The following ITGB8 variants were observed in gnomAD, a reference collection of about 807,000 sequenced individuals.
The protein encoded by ITGB8 is integrin beta-8.
A neutral mutation model predicts 89.5 loss-of-function variants in ITGB8; 30 were observed. That is an observed-to-expected ratio of 0.34 (90% CI 0.25 to 0.45). ITGB8 has a LOEUF of 0.45. ITGB8 is among the 20% of genes least tolerant of loss of function. The pLI, the probability that ITGB8 is intolerant of heterozygous loss-of-function variation, is 1.00. For synonymous variants in ITGB8, 335 were observed against 320.4 expected (o/e 1.05, Z -0.49); for missense variants, 836 against 933.3 (o/e 0.90, Z 1.36).
intron 1 of ITGB8, among the ~76,000 whole-genome samples, chr7:20,350,669 T>G (rs1330657426): frequency 2.6e-5 from 4 of 152,208 alleles, no homozygotes; most frequent in Non-Finnish European, 4.4e-5. Context: ...AAGCAAAGCC[T>G]CAGCAGTTAG....
intron 1 of ITGB8, among the ~76,000 whole-genome samples, chr7:20,336,511 C>CA (rs1343476764): frequency 6.6e-6 from 1 of 152,116 alleles, no homozygotes; most frequent in Non-Finnish European, 1.5e-5. Context: ...GTTTTTGAAA[C>CA]AAATAAACAG....
At chr7:20,355,941 G>A (rs1785278156) in intron 1 of ITGB8, among the ~76,000 whole-genome samples, 1 of 152,178 alleles carries the variant, frequency 6.6e-6, no homozygotes, top group African/African-American at 2.4e-5. Flanking sequence ...TTATTTGAAT[G>A]ACATCTGCTT....
intron 1 of ITGB8, among the ~76,000 whole-genome samples, chr7:20,332,493 TAAA>T (rs59402581): frequency 1.0e-4 from 15 of 150,418 alleles, no homozygotes; most frequent in South Asian, 2.1e-4. Flanking sequence ...CCTTTCGGCT[TAAA>T]AAAAAAAAAT....
chr7:20,381,804 T>C lies in ITGB8; in HGVS notation c.879T>C (p.Asp293=). The C allele has an allele frequency of 3.1e-6, 5 of 1,614,166 alleles. No homozygotes were observed. Among genetic ancestry groups the C allele is most frequent in the African/African-American group, 1.3e-5 (1 of 75,062 alleles). ...MTDQTSHLAL[D]SKLAGIVVPN... Reference sequence around the variant, plus strand: ...ATCAGACGTCTCATCTCGCTCTTGATAGCAAATTGGCAGGCATAGTGGTGC... The same window carrying C: ...ATCAGACGTCTCATCTCGCTCTTGACAGCAAATTGGCAGGCATAGTGGTGC... Residue 293 remains aspartate (D), a synonymous_variant, in exon 6 of 14, where the codon GAT becomes GAC. Transcript: ENST00000222573.
At position 20,410,656 on chromosome 7, in the gene ITGB8, G is replaced by A. The variant is rs1404797966; in HGVS notation, c.*659G>A. On this transcript the variant is annotated 3_prime_UTR_variant, in exon 14 of 14. Transcript: ENST00000222573. ...AGCATTCTCTCCTCTTTGCCTTTAT[G>A]TTTTGTTTTCTTTTTTACAGGATAA... is the stretch of plus-strand genomic sequence containing the variant. 3.3e-5 allele frequency: 5 copies of A among 152,514 alleles called. No homozygotes were observed. Among genetic ancestry groups the A allele is most frequent in the Non-Finnish European group, 7.4e-5 (5 of 68,020 alleles). The allele number at this position is 152,514 out of a possible 1,614,324, so 9.4% of individuals were successfully genotyped here. A position where few individuals can be genotyped will look rare whatever the true frequency, so the allele number is the denominator to read the frequency against.
intron 10 of ITGB8, among the ~76,000 whole-genome samples, chr7:20,404,336 C>T (rs147577039): frequency 1.8e-4 from 28 of 152,326 alleles, no homozygotes; most frequent in African/African-American, 5.8e-4. Flanking sequence ...TAATGTAAAA[C>T]GGAATATGCA....
intron 8 of ITGB8, among the ~76,000 whole-genome samples, chr7:20,398,032 A>T (rs562548919): frequency 6.6e-6 from 1 of 151,726 alleles, no homozygotes; most frequent in East Asian, 1.9e-4. Flanking sequence ...TAAAATGCAC[A>T]CAGATCTGAA....
intron 3 of ITGB8, among the ~76,000 whole-genome samples, chr7:20,368,378 C>CAT (rs1342050241): frequency 2.6e-5 from 4 of 152,154 alleles, no homozygotes; most frequent in Non-Finnish European, 5.9e-5. Context: ...TTCTCGTACA[C>CAT]CTAATTCCAG....
In ITGB8 at chr7:20,413,193, A is replaced by C. The variant is rs946776301; in HGVS notation, c.*3196A>C. 2.0e-5 allele frequency: 3 copies of C among 152,176 alleles called. No individual in the cohort carries two copies. The highest frequency in any genetic ancestry group is 4.4e-5 in the Non-Finnish European group (3 of 67,958). 9.4% of individuals were successfully genotyped at this position (152,176 alleles called of 1,614,324 possible). ...CTGGAGGACTTAAAAATTCACTAAAAATCTGATTATGTCTTAAATGTTCAG... is the reference window on the plus strand; with the variant it reads ...CTGGAGGACTTAAAAATTCACTAAACATCTGATTATGTCTTAAATGTTCAG... On this transcript the variant is annotated 3_prime_UTR_variant, in exon 14 of 14. Coordinates refer to ENST00000222573, the MANE Select transcript of ITGB8 (RefSeq NM_002214.3).
chr7:20,380,552 C>T, intron 4 of ITGB8, 114 bp from the exon 5 acceptor site: 1 of 816,272 alleles, frequency 1.2e-6, no homozygotes. Context: ...ATAAAGTTTC[C>T]CTGGCACAAA....
chr7:20,396,547 GTAAAA>G (rs1243890712), intron 8 of ITGB8, among the ~76,000 whole-genome samples: 1 of 152,144 alleles, frequency 6.6e-6, no homozygotes, highest in African/African-American at 2.4e-5. Context: ...AGTACGTTGA[GTAAAA>G]TAAGGAAGAG....
chr7:20,334,891 T>C (rs903809463), intron 1 of ITGB8, among the ~76,000 whole-genome samples: 1 of 152,210 alleles, frequency 6.6e-6, no homozygotes, highest in South Asian at 2.1e-4. Context: ...CACTACTTAA[T>C]GGATTCTTTT....
intron 1 of ITGB8, among the ~76,000 whole-genome samples, chr7:20,363,294 A>C (rs938622933): frequency 1.3e-5 from 2 of 152,188 alleles, no homozygotes; most frequent in Non-Finnish European, 2.9e-5. Context: ...AAATACAGTG[A>C]AACTTACTAA....
intron 3 of ITGB8, among the ~76,000 whole-genome samples, chr7:20,370,705 G>A (rs371993296): frequency 6.6e-6 from 1 of 151,758 alleles, no homozygotes; most frequent in Non-Finnish European, 1.5e-5. Context: ...CTGCCTCCTG[G>A]GTTCAAGTAA....
intron 1 of ITGB8, among the ~76,000 whole-genome samples, chr7:20,345,392 TA>T (rs11393596): frequency 1.3e-5 from 2 of 150,298 alleles, no homozygotes; most frequent in African/African-American, 4.9e-5. Context: ...ACAGACAAAA[TA>T]AAAAAAAACA....
intron 2 of ITGB8, chr7:20,364,703 G>C (rs1376714490): frequency 6.6e-6 from 1 of 152,238 alleles, no homozygotes; most frequent in Non-Finnish European, 1.5e-5. Context: ...ATGTCATAGA[G>C]AGGACAACTT....
Position 20,404,920 on chromosome 7 carries a change from CCTTAAT to C in ITGB8, c.1913+73_1913+78del, listed in dbSNP as rs1448789287. On this transcript the variant is annotated intron_variant, in intron 11 of 13. Coordinates refer to ENST00000222573, the MANE Select transcript of ITGB8 (RefSeq NM_002214.3). ...CTTTTGTCCTTTTTCGTTCTGACTT[CCTTAAT>C]CTTAAACGTTGCCAGATACATTGTG... is the stretch of plus-strand genomic sequence containing the variant. 1.6e-4 allele frequency: 219 copies of C among 1,367,736 alleles called. 3 individuals are homozygous for C. In the Admixed American group the frequency reaches 3.4e-3, roughly 21 times the overall value. 84.7% of individuals were successfully genotyped at this position (1,367,736 alleles called of 1,614,324 possible).
At chr7:20,397,576 T>G (rs1787138753) in intron 8 of ITGB8, among the ~76,000 whole-genome samples, 1 of 152,230 alleles carries the variant, frequency 6.6e-6, no homozygotes, top group Non-Finnish European at 1.5e-5. Flanking sequence ...CTGAGGATGC[T>G]CATTGCGTTA....
At chr7:20,338,007 A>AT (rs1351543853) in intron 1 of ITGB8, among the ~76,000 whole-genome samples, 1 of 152,230 alleles carries the variant, frequency 6.6e-6, no homozygotes, top group African/African-American at 2.4e-5. Context: ...TGAAGTGTCC[A>AT]TGCAGGTAAA....
Sources: gnomAD v4.1 joint callset for allele counts (sites outside exome capture counted in the v4.1 genomes callset) on GRCh38, gnomAD v4.1.1 for gene constraint, MANE v1.5 for transcripts, NCBI Gene and HGNC (gene_info 2026-07-23, HGNC 2026-07-21) for gene names.